Variants in INIP observed in about 807,000 individuals in gnomAD.
INIP encodes INTS3 and NABP interacting protein.
In INIP, 9 loss-of-function variants were observed where a neutral mutation model predicts 14.0. The observed-to-expected ratio is 0.64, with a 90% CI of 0.39 to 1.12. The LOEUF (loss-of-function observed/expected upper bound fraction) is 1.12. INIP is among the 50% of genes most tolerant of loss of function. INIP has a pLI of 0.01. For missense variants in INIP, 78 were observed against 122.7 expected (o/e 0.64, Z 1.72); for synonymous variants, 37 against 41.5 (o/e 0.89, Z 0.41).
intron 4 of INIP, 70 bp from the exon 5 acceptor site, chr9:112,687,703 T>TA: frequency 1.2e-6 from 1 of 831,628 alleles, no homozygotes; most frequent in Non-Finnish European, 1.9e-6. Context: ...ACCAAGGCAT[T>TA]AAAATTACTC....
rs537660052 is a variant in INIP, at chr9:112,687,391, C to T, written c.*147G>A. The T allele has an allele frequency of 5.4e-6, 3 of 554,576 alleles. No homozygotes were observed. The Admixed American group carries it at 8.8e-5, about 16-fold the overall frequency. The allele number at this position is 554,576 out of a possible 1,614,324, so 34.4% of individuals were successfully genotyped here. A position where few individuals can be genotyped will look rare whatever the true frequency, so the allele number is the denominator to read the frequency against. ...ATCATCCTGGTTATTCTTCTTTCAG[C>T]TTTCACTTACACATTCCTTTCTTTC... On this transcript the variant is annotated 3_prime_UTR_variant, in exon 5 of 5. Transcript: ENST00000374242.
intron 4 of INIP, among the ~76,000 whole-genome samples, chr9:112,689,243 T>A (rs1028381133): frequency 3.9e-5 from 6 of 152,208 alleles, no homozygotes; most frequent in African/African-American, 1.4e-4. Context: ...TTTAAGATGA[T>A]TCCTGTCCAG....
chr9:112,707,634 TAAAGAC>T (rs1011857364), intron 2 of INIP, among the ~76,000 whole-genome samples: 1 of 152,176 alleles, frequency 6.6e-6, no homozygotes, highest in African/African-American at 2.4e-5. Flanking sequence ...CTATCACACT[TAAAGAC>T]TAACTGAAAT....
At chr9:112,699,500 T>C (rs1386253997) in intron 2 of INIP, among the ~76,000 whole-genome samples, 1 of 152,158 alleles carries the variant, frequency 6.6e-6, no homozygotes, top group East Asian at 1.9e-4. Context: ...ACAACTTTCA[T>C]TGCAGTATAT....
rs534328802 is a variant in INIP at position 112,697,140 on chromosome 9, T to C, written c.26-2907A>G. On this transcript the variant is annotated intron_variant, in intron 2 of 4. Coordinates refer to ENST00000374242, the MANE Select transcript of INIP (RefSeq NM_021218.3). ...CCAGGGCCCATAAAGAGTCATCACA[T>C]TGAACAAAAGATGCTCCCATCACCC... is the stretch of plus-strand genomic sequence containing the variant. 2.1e-4 allele frequency among the ~76,000 whole-genome samples: 32 copies of C among 152,264 alleles called. No homozygotes were observed. The South Asian group carries it at 6.2e-3, about 30-fold the overall frequency.
chr9:112,703,809 C>A (rs1363277943), intron 2 of INIP, among the ~76,000 whole-genome samples: 1 of 152,062 alleles, frequency 6.6e-6, no homozygotes, highest in Admixed American at 6.6e-5. Context: ...TTGAGGTTAG[C>A]CAGGCTGTCA....
At chr9:112,688,221 CCT>C (rs1220160901) in intron 4 of INIP, among the ~76,000 whole-genome samples, 2 of 152,018 alleles carry the variant, frequency 1.3e-5, no homozygotes, top group African/African-American at 4.8e-5. Flanking sequence ...CATTTATCAT[CCT>C]CTCTCTCTAC....
chr9:112,702,505 CAT>C (rs1838329862), intron 2 of INIP, among the ~76,000 whole-genome samples: 1 of 152,098 alleles, frequency 6.6e-6, no homozygotes, highest in East Asian at 1.9e-4. Context: ...GTGAGGGTGG[CAT>C]GGGAAAGAGA....
intron 2 of INIP, among the ~76,000 whole-genome samples, chr9:112,700,906 G>T (rs1241417705): frequency 6.6e-6 from 1 of 151,936 alleles, no homozygotes; most frequent in African/African-American, 2.4e-5. Flanking sequence ...AGCTATTTTT[G>T]CACCACTGCA....
chr9:112,694,905 C>T (rs1023460592), intron 2 of INIP, among the ~76,000 whole-genome samples: 7 of 152,174 alleles, frequency 4.6e-5, no homozygotes, highest in Admixed American at 1.3e-4. Flanking sequence ...TTCAAACTTA[C>T]GTAAGATATA....
intron 2 of INIP, among the ~76,000 whole-genome samples, chr9:112,713,490 C>T (rs1035483457): frequency 1.3e-5 from 2 of 151,780 alleles, no homozygotes; most frequent in Non-Finnish European, 2.9e-5. Flanking sequence ...GCCAGGAGTT[C>T]AAGACCAGCC....
chr9:112,694,545 C>T (rs1188199008), intron 2 of INIP, among the ~76,000 whole-genome samples: 2 of 152,162 alleles, frequency 1.3e-5, no homozygotes, highest in African/African-American at 4.8e-5. Flanking sequence ...GTATAAGTTA[C>T]AGCATTTGTT....
intron 2 of INIP, among the ~76,000 whole-genome samples, chr9:112,695,793 GGGGAGGAGGAGGAGGAGAAGAAGA>G: frequency 6.8e-6 from 1 of 147,260 alleles, no homozygotes; most frequent in African/African-American, 2.5e-5. Flanking sequence ...GGAGGGGGAG[GGGGAGGAGGAGGAGGAGAAGAAGA>G]AGGAGAAGAA....
chr9:112,699,598 A>G (rs543584477), intron 2 of INIP, among the ~76,000 whole-genome samples: 7 of 152,288 alleles, frequency 4.6e-5, no homozygotes, highest in Admixed American at 1.3e-4. Flanking sequence ...GTATGTATGT[A>G]TAGGAAAAAA....
At chr9:112,717,391 T>C (rs1327621721) in intron 1 of INIP, among the ~76,000 whole-genome samples, 6 of 152,180 alleles carry the variant, frequency 3.9e-5, no homozygotes, top group African/African-American at 1.4e-4. Flanking sequence ...ATAGAGCTAG[T>C]AGGAATTATT....
At chr9:112,707,974 A>G (rs1454072120) in intron 2 of INIP, among the ~76,000 whole-genome samples, 2 of 152,234 alleles carry the variant, frequency 1.3e-5, no homozygotes, top group Non-Finnish European at 2.9e-5. Context: ...CTTTCATGCT[A>G]TCACATACAG....
At chr9:112,696,817 G>C (rs1025967570) in intron 2 of INIP, among the ~76,000 whole-genome samples, 5 of 152,168 alleles carry the variant, frequency 3.3e-5, no homozygotes, top group Admixed American at 6.5e-5. Context: ...GACATGAATA[G>C]CCAGATGAAG....
At chr9:112,709,476 A>G (rs1361177041) in intron 2 of INIP, among the ~76,000 whole-genome samples, 1 of 152,140 alleles carries the variant, frequency 6.6e-6, no homozygotes, top group Non-Finnish European at 1.5e-5. Context: ...AAACTACCTC[A>G]CCATGCCTCA....
chr9:112,710,067 A>C (rs1415724904), intron 2 of INIP, among the ~76,000 whole-genome samples: 2 of 152,236 alleles, frequency 1.3e-5, no homozygotes, highest in Admixed American at 1.3e-4. Context: ...ACTGGGACAA[A>C]CTCTTAATTG....
Sources: allele counts gnomAD v4.1 joint callset (sites outside exome capture counted in the v4.1 genomes callset), GRCh38; gene constraint gnomAD v4.1.1; transcripts MANE v1.5; gene names NCBI Gene and HGNC (gene_info 2026-07-23, HGNC 2026-07-21).